Variants in IL1R1 observed in about 807,000 individuals in gnomAD.
IL1R1 encodes interleukin 1 receptor type 1, also known as interleukin-1 receptor type 1.
In IL1R1, 22 loss-of-function variants were observed where a neutral mutation model predicts 50.2. The ratio of observed to expected loss-of-function variants is 0.44; its 90% CI spans 0.31 to 0.63. The LOEUF (loss-of-function observed/expected upper bound fraction) is 0.63, where lower values mean the gene tolerates loss of function less well. IL1R1 is among the 20% of genes least tolerant of loss of function. The probability of loss-of-function intolerance (pLI) is 0.07; values close to 1 mark genes in which losing one functional copy is unlikely to be tolerated. For synonymous variants in IL1R1, 251 were observed against 236.7 expected (o/e 1.06, Z -0.55); for missense variants, 509 against 676.2 (o/e 0.75, Z 2.74).
chr2:102,093,851 G>A (rs1008337793), intron 1 of IL1R1, among the ~76,000 whole-genome samples: 1 of 148,432 alleles, frequency 6.7e-6, no homozygotes, highest in Non-Finnish European at 1.5e-5. Flanking sequence ...GAGGAGACAC[G>A]CGCGGGGCAG....
intron 1 of IL1R1, among the ~76,000 whole-genome samples, chr2:102,099,163 C>A (rs748086019): frequency 5.3e-5 from 8 of 152,128 alleles, no homozygotes; most frequent in Non-Finnish European, 1.0e-4. Flanking sequence ...TCTGTAGATC[C>A]AAATCCTAGT....
intron 1 of IL1R1, among the ~76,000 whole-genome samples, chr2:102,120,900 G>A (rs1055416281): frequency 6.6e-6 from 1 of 152,154 alleles, no homozygotes; most frequent in African/African-American, 2.4e-5. Context: ...AATGAGTTCC[G>A]GCACATGTGG....
At chr2:102,104,488 T>A (rs1181825726), upstream of IL1R1, 1 of 152,190 alleles carries the variant, frequency 6.6e-6, no homozygotes, top group Non-Finnish European at 1.5e-5. Context: ...TTCTTAAGGG[T>A]CTGGCACGTT....
At chr2:102,084,093 C>T (rs1679336839) in intron 1 of IL1R1, among the ~76,000 whole-genome samples, 1 of 152,158 alleles carries the variant, frequency 6.6e-6, no homozygotes, top group Admixed American at 6.5e-5. Flanking sequence ...CTGAATCTCT[C>T]GCAATCTCAA....
intron 1 of IL1R1, among the ~76,000 whole-genome samples, chr2:102,118,251 G>C (rs1211876815): frequency 6.6e-6 from 1 of 152,254 alleles, no homozygotes; most frequent in East Asian, 1.9e-4. Flanking sequence ...CAGAACTCTG[G>C]GGTTTGGGGA....
intron 1 of IL1R1, among the ~76,000 whole-genome samples, chr2:102,136,194 T>C (rs1204686339): frequency 6.6e-6 from 1 of 152,056 alleles, no homozygotes; most frequent in African/African-American, 2.4e-5. Context: ...GGTCTAACTA[T>C]CCCAGAGTAG....
rs993386086 is a variant in IL1R1 at position 102,177,660 on chromosome 2, G to T, written c.*901G>T. On this transcript the variant is annotated 3_prime_UTR_variant, in exon 12 of 12. Transcript: ENST00000410023. The stretch of plus-strand genomic sequence containing the variant: ...TTCTCCAGGATTCCAAAGTTTTGAA[G>T]TCATCTTAGCTTTCCACAGGAGGGA... 6.6e-6 allele frequency: 1 copy of T among 152,362 alleles called. No individual in the cohort carries two copies. The highest frequency in any genetic ancestry group is 2.1e-4 in the South Asian group (1 of 4,830). 9.4% of individuals were successfully genotyped at this position (152,362 alleles called of 1,614,324 possible).
rs1682876690 is a variant in IL1R1 at position 102,143,750 on chromosome 2, C to T, written c.-84+730C>T. Among the ~76,000 whole-genome samples, 4 of 152,296 alleles carry T rather than the reference C, an allele frequency of 2.6e-5. No individual in the cohort carries two copies. The South Asian group carries it at 8.3e-4, about 32-fold the overall frequency. ...GCCAGGGCTTTCTCCTCTGCACTGC[C>T]GGGAGGAAGGAAGGCCGCTGGGAAG... On this transcript the variant is annotated intron_variant, in intron 1 of 11. Transcript: ENST00000410023.
intron 2 of IL1R1, among the ~76,000 whole-genome samples, chr2:102,154,492 C>T (rs984016805): frequency 6.6e-6 from 1 of 152,154 alleles, no homozygotes; most frequent in African/African-American, 2.4e-5. Context: ...TGAACCTGCC[C>T]CCCAACCTGG....
intron 1 of IL1R1, among the ~76,000 whole-genome samples, chr2:102,132,658 T>C (rs1682103054): frequency 1.3e-5 from 2 of 152,200 alleles, no homozygotes; most frequent in Admixed American, 6.5e-5. Flanking sequence ...TTTGATGTCA[T>C]TTGATGACAC....
intron 1 of IL1R1, among the ~76,000 whole-genome samples, chr2:102,079,731 TTGAGAAACTGCTCATAAAATACACAA>T (rs1679126063): frequency 6.6e-6 from 1 of 152,058 alleles, no homozygotes; most frequent in Admixed American, 6.6e-5. Flanking sequence ...ATTGCAGAAA[TTGAGAAACTGCTCATAAAATACACAA>T]GGAAATGCAA....
intron 9 of IL1R1, among the ~76,000 whole-genome samples, 155 bp from the exon 10 acceptor site, chr2:102,174,432 C>T (rs1685938735): frequency 6.6e-6 from 1 of 152,164 alleles, no homozygotes; most frequent in East Asian, 1.9e-4. Context: ...GTATCCATTA[C>T]AAAGTGATAA....
chr2:102,080,293 A>G (rs1165820200), intron 1 of IL1R1, among the ~76,000 whole-genome samples: 1 of 152,228 alleles, frequency 6.6e-6, no homozygotes, highest in Admixed American at 6.5e-5. Context: ...AAGTGAAAAT[A>G]TAGCTCATGG....
intron 1 of IL1R1, among the ~76,000 whole-genome samples, chr2:102,112,455 G>A (rs1680824994): frequency 6.6e-6 from 1 of 151,944 alleles, no homozygotes. Context: ...GCAGGAAGTA[G>A]GAAGACTGCA....
chr2:102,101,163 G>A (rs909024852), upstream of IL1R1, among the ~76,000 whole-genome samples: 2 of 152,176 alleles, frequency 1.3e-5, no homozygotes, highest in African/African-American at 4.8e-5. Flanking sequence ...GGGCCCTAAT[G>A]TTCTGCATTT....
intron 1 of IL1R1, among the ~76,000 whole-genome samples, chr2:102,086,850 C>T (rs915803004): frequency 6.6e-6 from 1 of 152,092 alleles, no homozygotes; most frequent in African/African-American, 2.4e-5. Flanking sequence ...TATTGATACA[C>T]AACATGTGGA....
At chr2:102,150,029 C>T (rs1324517962) in intron 1 of IL1R1, among the ~76,000 whole-genome samples, 4 of 152,188 alleles carry the variant, frequency 2.6e-5, no homozygotes, top group Non-Finnish European at 2.9e-5. Context: ...CTGTGTGCCA[C>T]CTTGCCTGTG....
upstream of IL1R1, among the ~76,000 whole-genome samples, chr2:102,138,849 G>C (rs900783704): frequency 2.6e-5 from 4 of 152,124 alleles, no homozygotes; most frequent in African/African-American, 4.8e-5. Context: ...GAATCACAGA[G>C]GCCCTCTGTG....
chr2:102,131,599 T>C (rs1682032737), intron 1 of IL1R1, among the ~76,000 whole-genome samples: 1 of 151,856 alleles, frequency 6.6e-6, no homozygotes, highest in Non-Finnish European at 1.5e-5. Context: ...AGATTAGATA[T>C]TGCAGAAGAA....
Sources: allele counts gnomAD v4.1 joint callset (sites outside exome capture counted in the v4.1 genomes callset), GRCh38; gene constraint gnomAD v4.1.1; transcripts MANE v1.5; gene names NCBI Gene and HGNC (gene_info 2026-07-23, HGNC 2026-07-21).